TOP2A: variants seen among roughly 807,000 people sequenced by gnomAD.
TOP2A encodes the protein DNA topoisomerase II alpha, also known as DNA topoisomerase 2-alpha.
TOP2A carries 68 observed loss-of-function variants against 187.2 expected under a neutral mutation model. The observed-to-expected ratio is 0.36, with a 90% CI of 0.30 to 0.44. The LOEUF is 0.44. TOP2A is among the 20% of genes least tolerant of loss of function. The pLI, the probability that TOP2A is intolerant of heterozygous loss-of-function variation, is 1.00. For missense variants in TOP2A, 1,196 were observed against 1,808.7 expected, an observed-to-expected ratio of 0.66 and a Z score of 6.14; for synonymous variants, 542 against 593.2, an observed-to-expected ratio of 0.91 and a Z score of 1.25.
Position 40,404,397 on chromosome 17 carries a change from G to C in TOP2A, c.2141C>G (p.Ser714Cys). 1 of 1,609,236 alleles carries C rather than the reference G, an allele frequency of 6.2e-7. No individual in the cohort carries two copies. Among genetic ancestry groups the C allele is most frequent in the Non-Finnish European group, 8.5e-7 (1 of 1,176,104 alleles). Residue 714 changes from serine (S) to cysteine (C), a missense_variant, in exon 18 of 35, where the codon TCT (serine) becomes TGT (cysteine). Physicochemically the swap from Ser to Cys is moderately radical, Grantham distance 112 (BLOSUM62 -1). Coordinates refer to ENST00000423485, the MANE Select transcript of TOP2A (RefSeq NM_001067.4). ...CTCACCATCCACCATAGAAGGGATA[G>C]ATCTCTCGTTATCAGAATTTGAGAA... ...ILFSNSDNER[S>C]IPSMVDGLKP...
chr17:40,404,061 T>C (rs573217917), intron 19 of TOP2A, 91 bp downstream of exon 19: 2 of 1,496,370 alleles, frequency 1.3e-6, no homozygotes, highest in South Asian at 1.3e-5. Context: ...TATGAATATA[T>C]GAGCTTATAC....
At chr17:40,400,104 C>A (rs775525794) in intron 23 of TOP2A, 37 bp from the exon 24 acceptor site, 17 of 1,592,254 alleles carry the variant, frequency 1.1e-5, no homozygotes, top group Non-Finnish European at 1.5e-5. Flanking sequence ...CAAGAATAGA[C>A]AAATTGGCTA....
rs1047406616 is a variant in TOP2A, at chr17:40,389,645, T to C, written c.4470A>G (p.Lys1490=). ...KIVSKAVTSK[K]SKGESDDFHM... ...GGAAGTCATCACTCTCCCCCTTGGA[T>C]TTCTAAAAGAGAAAAGCCCAGGTAA... The change falls in exon 35 of 35, where the codon AAA becomes AAG. Residue 1490 remains lysine (K), a splice_region_variant and synonymous_variant. Coordinates refer to ENST00000423485, the MANE Select transcript of TOP2A (RefSeq NM_001067.4). The C allele has an allele frequency of 1.2e-6, 2 of 1,608,086 alleles. No individual in the cohort carries two copies. The highest frequency in any genetic ancestry group is 1.7e-6 in the Non-Finnish European group (2 of 1,177,662).
Position 40,398,901 on chromosome 17 carries a change from C to T in TOP2A, c.3325G>A (p.Glu1109Lys), listed in dbSNP as rs1429745884. 1.2e-6 allele frequency: 2 copies of T among 1,611,326 alleles called. No homozygotes were observed. Among genetic ancestry groups the T allele is most frequent in the East Asian group, 2.2e-5 (1 of 44,830 alleles). Residue 1109 changes from glutamate to lysine, a missense_variant, in exon 26 of 35, where the codon GAA becomes AAA. Transcript: ENST00000423485. Reference sequence around the variant, plus strand: ...GAGTCACTCTTTTCAGTTTCCTTTTCGTTGTCACTCTCTTCATTTTCTTCT... The same window carrying T: ...GAGTCACTCTTTTCAGTTTCCTTTTTGTTGTCACTCTCTTCATTTTCTTCT... Reference protein sequence around the residue: ...DEEENEESDNEKETEKSDSVT... With the variant: ...DEEENEESDNKKETEKSDSVT...
At chr17:40,392,870 G>A in intron 29 of TOP2A, 133 bp from the exon 30 acceptor site, 6 of 782,934 alleles carry the variant, frequency 7.7e-6, no homozygotes, top group Non-Finnish European at 1.2e-5. Context: ...AGACAGATAT[G>A]GTCTCTGTTT....
chr17:40,388,912 G>T lies in TOP2A; in HGVS notation c.*607C>A, dbSNP rs1277601362. On this transcript the variant is annotated 3_prime_UTR_variant, in exon 35 of 35. Transcript: ENST00000423485. The stretch of plus-strand genomic sequence containing the variant: ...TTCTTCATTCTATTGACTGTGTCAA[G>T]TTATAGACACAGCCAAAGTGTTTTT... 1 of 204,870 alleles carries T rather than the reference G, an allele frequency of 4.9e-6. No individual in the cohort carries two copies. Among genetic ancestry groups the T allele is most frequent in the African/African-American group, 2.3e-5 (1 of 43,718 alleles). The allele number at this position is 204,870 out of a possible 1,614,324, so 12.7% of individuals were successfully genotyped here.
At chr17:40,392,931 G>A (rs751202690) in intron 29 of TOP2A, among the ~76,000 whole-genome samples, 194 bp from the exon 30 acceptor site, 2 of 152,174 alleles carry the variant, frequency 1.3e-5, no homozygotes, top group Admixed American at 6.6e-5. Context: ...ATGTGGCCGG[G>A]CACAGTGGCT....
chr17:40,413,071 G>A, intron 6 of TOP2A, 100 bp from the exon 7 acceptor site: 1 of 1,277,394 alleles, frequency 7.8e-7, no homozygotes, highest in East Asian at 2.5e-5. Flanking sequence ...TAATATATAT[G>A]CTTATAATTT....
chr17:40,389,612 G>C lies in TOP2A; in HGVS notation c.4503C>G (p.Asp1501Glu). 1 of 1,609,266 alleles carries C rather than the reference G, an allele frequency of 6.2e-7. No individual in the cohort carries two copies. The highest frequency in any genetic ancestry group is 1.1e-5 in the South Asian group (1 of 89,792). Residue 1501 changes from aspartate to glutamate, a missense_variant, in exon 35 of 35, where the codon GAC (aspartate) becomes GAG (glutamate). By Grantham distance (45) the Asp-to-Glu change is conservative. Around this residue, in one of 10 missense-constraint regions of TOP2A, gnomAD observed 374 missense variants for 403.3 expected, o/e 0.93. Transcript: ENST00000423485. ...CCCGAGGAGCCACAGCTGAGTCAAA[G>C]TCCATATGGAAGTCATCACTCTCCC... The part of the protein sequence containing the change: ...SKGESDDFHM[D>E]FDSAVAPRAK...
chr17:40,389,433 G>C lies in TOP2A; in HGVS notation c.*86C>G. On this transcript the variant is annotated 3_prime_UTR_variant, in exon 35 of 35. Transcript: ENST00000423485. ...AAACACCTTCCCCAAACTAAATTCA[G>C]AGGGGAGGAAGTTAAGAGCTTCAGG... 1 of 1,454,552 alleles carries C rather than the reference G, an allele frequency of 6.9e-7. No homozygotes were observed. 90.1% of individuals were successfully genotyped at this position (1,454,552 alleles called of 1,614,324 possible). A position where few individuals can be genotyped will look rare whatever the true frequency, so the allele number is the denominator to read the frequency against.
At chr17:40,396,198 C>G (rs558904703) in intron 28 of TOP2A, 85 bp downstream of exon 28, 1 of 709,362 alleles carries the variant, frequency 1.4e-6, no homozygotes. Flanking sequence ...GGAGGCTGGT[C>G]TTGAACCACT....
At position 40,392,755 on chromosome 17, in the gene TOP2A, A is replaced by G; in HGVS notation, c.3812-18T>C. 2 of 1,593,770 alleles carry G rather than the reference A, an allele frequency of 1.3e-6. No homozygotes were observed. Among genetic ancestry groups the G allele is most frequent in the Non-Finnish European group, 1.7e-6 (2 of 1,173,372 alleles). On this transcript the variant is annotated intron_variant, in intron 29 of 34. Coordinates refer to ENST00000423485, the MANE Select transcript of TOP2A (RefSeq NM_001067.4). ...CTTTGTACCTAGAGGGGAGATAGAAATTAATCACCTTTATATATTAGACCC... is the reference window on the plus strand; with the variant it reads ...CTTTGTACCTAGAGGGGAGATAGAAGTTAATCACCTTTATATATTAGACCC...
At position 40,404,881 on chromosome 17, in the gene TOP2A, G is replaced by A. The variant is rs570428892; in HGVS notation, c.1956C>T (p.Ala652=). 5 of 1,566,152 alleles carry A rather than the reference G, an allele frequency of 3.2e-6. No individual in the cohort carries two copies. In the African/African-American group the frequency reaches 5.4e-5, roughly 17 times the overall value. The change falls in exon 17 of 35, where the codon GCC becomes GCT. Residue 652 remains alanine, a splice_region_variant and synonymous_variant. Coordinates refer to ENST00000423485, the MANE Select transcript of TOP2A (RefSeq NM_001067.4). ...GATCATCTATCTGTTTTTTGCTAAA[G>A]GCCTATAAATTAAAGGATGAAAAGA... The part of the protein sequence containing the change: ...GPEDDAAISL[A]FSKKQIDDRK...
chr17:40,396,747 T>C (rs1567782858), intron 27 of TOP2A, among the ~76,000 whole-genome samples: 1 of 152,212 alleles, frequency 6.6e-6, no homozygotes, highest in Non-Finnish European at 1.5e-5. Context: ...TATATACATA[T>C]ATATTTGTAA....
In TOP2A at chr17:40,412,845, T is replaced by C. The variant is rs772094260; in HGVS notation, c.703A>G (p.Ile235Val). The C allele has an allele frequency of 1.2e-6, 2 of 1,613,986 alleles. No individual in the cohort carries two copies. The highest frequency in any genetic ancestry group is 1.7e-6 in the Non-Finnish European group (2 of 1,179,864). ...GCTCTTCTGACCATTAGTGCAACAATATCTTTGTCCAGGCTTTGCATTTTA... is the reference window on the plus strand; with the variant it reads ...GCTCTTCTGACCATTAGTGCAACAACATCTTTGTCCAGGCTTTGCATTTTA... The part of the protein sequence containing the change: ...KFKMQSLDKD[I>V]VALMVRRAYD... Residue 235 changes from isoleucine (I) to valine (V), a missense_variant, in exon 7 of 35, where the codon ATT becomes GTT. Physicochemically the swap from Ile to Val is conservative, Grantham distance 29. This residue lies in a region of TOP2A where 252 missense variants were observed against 434.8 expected (regional missense o/e 0.58). Transcript: ENST00000423485.
chr17:40,405,144 C>G (rs2035223687), intron 16 of TOP2A, among the ~76,000 whole-genome samples: 1 of 151,746 alleles, frequency 6.6e-6, no homozygotes, highest in African/African-American at 2.4e-5. Flanking sequence ...CGCCCGCCAC[C>G]ACGCCCAGCT....
chr17:40,406,185 G>A lies in TOP2A; in HGVS notation c.1953+199C>T, dbSNP rs545657001. 3.3e-5 allele frequency among the ~76,000 whole-genome samples: 5 copies of A among 152,310 alleles called. No individual in the cohort carries two copies. The South Asian group carries it at 8.3e-4, about 25-fold the overall frequency. ...CAAAGTCCTAGAATTATAGGCATGA[G>A]CCACCAAGCCCAGCCAAAAATCAAA... On this transcript the variant is annotated intron_variant, in intron 16 of 34. Transcript: ENST00000423485.
chr17:40,398,773 T>A lies in TOP2A; in HGVS notation c.3453A>T (p.Lys1151Asn). The A allele has an allele frequency of 1.2e-6, 2 of 1,608,124 alleles. No individual in the cohort carries two copies. Reference protein sequence around the residue: ...KDELCRLRNEKEQELDTLKRK... With the variant: ...KDELCRLRNENEQELDTLKRK... ...ATGTACCATCCTACTATCAACTCAC[T>A]TTTTCATTTCTTAGCCTGCAGAGTT... The change falls in exon 26 of 35, where the codon AAA becomes AAT. Residue 1151 changes from lysine (K) to asparagine (N), a missense_variant and splice_region_variant. Lys to Asn is a moderately conservative substitution (Grantham distance 94). Coordinates refer to ENST00000423485, the MANE Select transcript of TOP2A (RefSeq NM_001067.4).
Position 40,390,028 on chromosome 17 carries a change from T to C in TOP2A, c.4404A>G (p.Pro1468=). The C allele has an allele frequency of 1.2e-6, 2 of 1,613,946 alleles. No homozygotes were observed. Among genetic ancestry groups the C allele is most frequent in the Non-Finnish European group, 1.7e-6 (2 of 1,179,866 alleles). The change falls in exon 34 of 35, where the codon CCA becomes CCG. Residue 1468 remains proline (P), a synonymous_variant. Coordinates refer to ENST00000423485, the MANE Select transcript of TOP2A (RefSeq NM_001067.4). ...TAGAGTCAGAATCATCAGAAGTGGA[T>C]GGCTTCCTTTTGCGGCGATTCTTGG... The part of the protein sequence containing the change: ...AKTKNRRKRK[P]STSDDSDSNF...
Sources: allele counts gnomAD v4.1 joint callset (sites outside exome capture counted in the v4.1 genomes callset), GRCh38; gene constraint gnomAD v4.1.1; regional missense constraint gnomAD v4.1.1; transcripts MANE v1.5; gene names NCBI Gene and HGNC (gene_info 2026-07-23, HGNC 2026-07-21).